GPC5: variants seen among roughly 807,000 people sequenced by gnomAD.
GPC5 encodes the protein glypican 5.
A neutral mutation model predicts 53.9 loss-of-function variants in GPC5; 47 were observed. That is an observed-to-expected ratio of 0.87 (90% confidence interval 0.69 to 1.11). GPC5 has a LOEUF of 1.11. Among genes scored for constraint, GPC5 ranks in the 50% most tolerant of loss-of-function variants. The pLI, the probability that GPC5 is intolerant of heterozygous loss-of-function variation, is 0.00. For synonymous variants in GPC5, 286 were observed against 263.3 expected, an observed-to-expected ratio of 1.09 and a Z score of -0.84; for missense variants, 748 against 713.1, an observed-to-expected ratio of 1.05 and a Z score of -0.56.
rs1309162506 is a variant in GPC5 at position 92,840,086 on chromosome 13, T to C, written c.1562-26196T>C. Among the ~76,000 whole-genome samples, 20 of 34,838 alleles carry C rather than the reference T, an allele frequency of 5.7e-4. No individual in the cohort carries two copies. In the South Asian group the frequency reaches 0.014, roughly 24 times the overall value. 22.9% of individuals were successfully genotyped at this position (34,838 alleles called of 152,430 possible). ...TTCTTCATATATACATACATATATA[T>C]ATATATATATATATATATATATATA... On this transcript the variant is annotated intron_variant, in intron 7 of 7. Transcript: ENST00000377067.
intron 6 of GPC5, among the ~76,000 whole-genome samples, chr13:92,026,175 A>T (rs1017024436): frequency 1.3e-5 from 2 of 152,076 alleles, no homozygotes; most frequent in Admixed American, 1.3e-4. Context: ...TTTTCTAGAG[A>T]AGTGGTACAT....
chr13:91,596,723 G>A (rs926523110), intron 2 of GPC5, among the ~76,000 whole-genome samples: 9 of 152,088 alleles, frequency 5.9e-5, no homozygotes. Context: ...TTACCACAAG[G>A]CAAGACCCTT....
chr13:91,813,132 TC>T (rs1324448536), intron 5 of GPC5, among the ~76,000 whole-genome samples: 1 of 152,242 alleles, frequency 6.6e-6, no homozygotes, highest in Non-Finnish European at 1.5e-5. Flanking sequence ...TATAAAGGTT[TC>T]TTTTGATCCT....
intron 7 of GPC5, among the ~76,000 whole-genome samples, chr13:92,453,742 G>T (rs1026591500): frequency 2.0e-5 from 3 of 152,142 alleles, no homozygotes; most frequent in African/African-American, 7.2e-5. Flanking sequence ...CATCAGAAAG[G>T]ATGGCAAGGT....
chr13:92,371,210 T>A (rs2139294406), intron 7 of GPC5, among the ~76,000 whole-genome samples: 1 of 152,288 alleles, frequency 6.6e-6, no homozygotes, highest in African/African-American at 2.4e-5. Flanking sequence ...CACCAAAAAC[T>A]GTTTAGCATT....
rs1358731415 is a variant in GPC5, at chr13:92,814,665, AAAAAAAT to A, written c.1562-51596_1562-51590del. ...GACAGAACAAGACTCTGTCTCAAAA[AAAAAAAT>A]AAAAAATAAAAAATAAAAAAATAAA... On this transcript the variant is annotated intron_variant, in intron 7 of 7. Transcript: ENST00000377067. Among the ~76,000 whole-genome samples the A allele has an allele frequency of 4.2e-4, 64 of 151,718 alleles. 1 individual carries two copies. Among genetic ancestry groups the A allele is most frequent in the South Asian group, 1.4e-3 (7 of 4,832 alleles).
At chr13:92,051,402 A>G (rs1160865884) in intron 6 of GPC5, among the ~76,000 whole-genome samples, 2 of 151,928 alleles carry the variant, frequency 1.3e-5, no homozygotes, top group East Asian at 3.9e-4. Flanking sequence ...GGGTTTCACC[A>G]TCTTGGCCAG....
intron 1 of GPC5, among the ~76,000 whole-genome samples, chr13:91,440,626 T>G (rs1473289124): frequency 6.6e-6 from 1 of 152,202 alleles, no homozygotes; most frequent in Admixed American, 6.5e-5. Context: ...TCATGTTATA[T>G]CGACTCTTCA....
chr13:92,487,196 C>T lies in GPC5; in HGVS notation c.1561+342207C>T, dbSNP rs138633785. ...AAGTCCTATGGAGAGTGCTGCTTTG[C>T]TGTATTTGCATGTAGTTTTATCATC... is the stretch of plus-strand genomic sequence containing the variant. On this transcript the variant is annotated intron_variant, in intron 7 of 7. Coordinates refer to ENST00000377067, the MANE Select transcript of GPC5 (RefSeq NM_004466.6). 3.4e-3 allele frequency among the ~76,000 whole-genome samples: 514 copies of T among 152,258 alleles called. 5 individuals are homozygous for T. The highest frequency in any genetic ancestry group is 0.012 in the African/African-American group (501 of 41,550).
At chr13:92,293,213 G>C (rs2043009716) in intron 7 of GPC5, among the ~76,000 whole-genome samples, 1 of 151,814 alleles carries the variant, frequency 6.6e-6, no homozygotes, top group Non-Finnish European at 1.5e-5. Flanking sequence ...AATGTTGGTG[G>C]TATTTTGATG....
chr13:91,546,379 CAAAAAAGGCCATTGCAAATTATAAGG>C (rs1478891192), intron 2 of GPC5, among the ~76,000 whole-genome samples: 1 of 151,790 alleles, frequency 6.6e-6, no homozygotes, highest in Non-Finnish European at 1.5e-5. Context: ...ATTAGATATG[CAAAAAAGGCCATTGCAAATTATAAGG>C]CAGACCTTAA....
intron 7 of GPC5, among the ~76,000 whole-genome samples, chr13:92,368,723 T>C (rs2043626623): frequency 6.6e-6 from 1 of 151,882 alleles, no homozygotes; most frequent in Non-Finnish European, 1.5e-5. Context: ...TTATGAAATT[T>C]GTGATAGTTT....
intron 7 of GPC5, among the ~76,000 whole-genome samples, chr13:92,229,901 T>G (rs2042517688): frequency 1.3e-5 from 2 of 152,086 alleles, no homozygotes; most frequent in African/African-American, 4.8e-5. Context: ...TCTCTTACTC[T>G]TTTTCCCCTA....
rs1491296731 is a variant in GPC5, at chr13:92,632,461, C to CATATATATATATAT, written c.1562-233820_1562-233819insTATATATATATATA. Among the ~76,000 whole-genome samples the CATATATATATATAT allele has an allele frequency of 6.1e-3, 354 of 58,022 alleles. 7 individuals are homozygous for CATATATATATATAT. Among genetic ancestry groups the CATATATATATATAT allele is most frequent in the African/African-American group, 0.012 (328 of 27,932 alleles). The allele number at this position is 58,022 out of a possible 152,430, so 38.1% of individuals were successfully genotyped here. On this transcript the variant is annotated intron_variant, in intron 7 of 7. Transcript: ENST00000377067. Reference sequence around the variant, plus strand: ...TATTCTTTTGGAGGAGAAAATATTCCACATATATATATATATATATATATA... The same window carrying CATATATATATATAT: ...TATTCTTTTGGAGGAGAAAATATTCCATATATATATATATACATATATATATATATATATATATA...
chr13:92,023,258 A>G (rs1300373532), intron 6 of GPC5, among the ~76,000 whole-genome samples: 1 of 152,112 alleles, frequency 6.6e-6, no homozygotes, highest in Non-Finnish European at 1.5e-5. Flanking sequence ...ATCAAATTAC[A>G]TCATGAACAA....
chr13:92,564,510 A>C (rs1882803246), intron 7 of GPC5, among the ~76,000 whole-genome samples: 1 of 152,068 alleles, frequency 6.6e-6, no homozygotes, highest in East Asian at 1.9e-4. Flanking sequence ...GTGTTTAATT[A>C]ATTATTTTAT....
chr13:92,548,319 G>A (rs961586615), intron 7 of GPC5, among the ~76,000 whole-genome samples: 2 of 151,178 alleles, frequency 1.3e-5, no homozygotes, highest in African/African-American at 4.8e-5. Context: ...AAGAATTATA[G>A]AATTAATGTT....
At chr13:92,588,584 T>C (rs897794193) in intron 7 of GPC5, among the ~76,000 whole-genome samples, 2 of 152,202 alleles carry the variant, frequency 1.3e-5, no homozygotes, top group African/African-American at 4.8e-5. Context: ...TTTCTCATCA[T>C]ATAATAACAC....
At chr13:92,251,744 T>C (rs1367765935) in intron 7 of GPC5, among the ~76,000 whole-genome samples, 1 of 152,110 alleles carries the variant, frequency 6.6e-6, no homozygotes, top group Non-Finnish European at 1.5e-5. Context: ...AAAGCCGGAT[T>C]TTTAGGAAGC....
Sources: gnomAD v4.1 joint callset for allele counts (sites outside exome capture counted in the v4.1 genomes callset) on GRCh38, gnomAD v4.1.1 for gene constraint, MANE v1.5 for transcripts, NCBI Gene and HGNC (gene_info 2026-07-23, HGNC 2026-07-21) for gene names.